Variants in ABI3BP observed in about 807,000 individuals in gnomAD.
ABI3BP encodes target of Nesh-SH3.
In ABI3BP, 216 loss-of-function variants were observed where a neutral mutation model predicts 268.6. The observed-to-expected ratio is 0.80, with a 90% CI of 0.72 to 0.90. The LOEUF (loss-of-function observed/expected upper bound fraction) is 0.90. Among genes scored for constraint, ABI3BP ranks in the 40% least tolerant of loss-of-function variants. The pLI is 0.00. For synonymous variants in ABI3BP, 730 were observed against 730.0 expected (o/e 1.00, Z 0.00); for missense variants, 2,090 against 2,182.4 (o/e 0.96, Z 0.84).
At chr3:100,775,153 A>C in intron 60 of ABI3BP, 54 bp downstream of exon 60, 1 of 1,580,386 alleles carries the variant, frequency 6.3e-7, no homozygotes, top group Middle Eastern at 1.7e-4. Flanking sequence ...CAACATTTAA[A>C]ATCTTTTGCA....
chr3:100,782,405 CAG>C (rs1422818791), intron 57 of ABI3BP, among the ~76,000 whole-genome samples: 6 of 151,998 alleles, frequency 3.9e-5, no homozygotes, highest in Non-Finnish European at 8.8e-5. Context: ...TAGGTGGAGA[CAG>C]AGGCATCATA....
In ABI3BP at chr3:100,837,312, T is replaced by C. The variant is rs1400560682; in HGVS notation, c.2084-141A>G. Reference sequence around the variant, plus strand: ...TAAATTGCCTTCTTGATAGGCTTATTTATTATGTGAGATGCTTCTTAGCAA... The same window carrying C: ...TAAATTGCCTTCTTGATAGGCTTATCTATTATGTGAGATGCTTCTTAGCAA... On this transcript the variant is annotated intron_variant, in intron 26 of 67. Transcript: ENST00000471714. 3 of 559,704 alleles carry C rather than the reference T, an allele frequency of 5.4e-6. No individual in the cohort carries two copies. In the African/African-American group the frequency reaches 5.9e-5, roughly 11 times the overall value. The allele number at this position is 559,704 out of a possible 1,614,324, so 34.7% of individuals were successfully genotyped here.
At chr3:100,911,112 C>G in intron 2 of ABI3BP, 1 of 326,094 alleles carries the variant, frequency 3.1e-6, no homozygotes, top group South Asian at 3.3e-5. Flanking sequence ...TCTCTAACTG[C>G]TGTGATTTCT....
chr3:100,771,491 C>T (rs1293294347), intron 61 of ABI3BP, among the ~76,000 whole-genome samples: 1 of 151,570 alleles, frequency 6.6e-6, no homozygotes, highest in Non-Finnish European at 1.5e-5. Context: ...ATGTAGATCT[C>T]ACATAGATGT....
chr3:100,874,745 C>G, intron 9 of ABI3BP, 96 bp downstream of exon 9: 1 of 707,388 alleles, frequency 1.4e-6, no homozygotes, highest in Non-Finnish European at 2.3e-6. Flanking sequence ...TTGAGATCCT[C>G]AAACAGCTCA....
At chr3:100,841,943 A>T in intron 21 of ABI3BP, 55 bp downstream of exon 21, 1 of 1,328,902 alleles carries the variant, frequency 7.5e-7, no homozygotes, top group Non-Finnish European at 1.0e-6. Context: ...ACAAAGTTGA[A>T]CATGGAGAGT....
At chr3:100,834,570 G>T in intron 29 of ABI3BP, 114 bp downstream of exon 29, 1 of 903,204 alleles carries the variant, frequency 1.1e-6, no homozygotes, top group South Asian at 1.6e-5. Context: ...TGCTTTCCAT[G>T]ACTTGGGCCT....
At chr3:100,821,452 C>T (rs1276762076) in intron 38 of ABI3BP, among the ~76,000 whole-genome samples, 1 of 152,112 alleles carries the variant, frequency 6.6e-6, no homozygotes, top group Non-Finnish European at 1.5e-5. Context: ...AAAGAAAGAA[C>T]ATGCCTTCAT....
At chr3:100,852,191 G>A (rs1206849269) in intron 14 of ABI3BP, among the ~76,000 whole-genome samples, 1 of 152,082 alleles carries the variant, frequency 6.6e-6, no homozygotes, top group Non-Finnish European at 1.5e-5. Flanking sequence ...AGGGTGATGA[G>A]AACATAGTGC....
chr3:100,774,146 T>G (rs2096634955), intron 61 of ABI3BP, among the ~76,000 whole-genome samples: 1 of 152,250 alleles, frequency 6.6e-6, no homozygotes, highest in African/African-American at 2.4e-5. Flanking sequence ...CTATTCTTTA[T>G]GTCCACAGGA....
At chr3:100,909,318 C>T (rs1249146068) in intron 2 of ABI3BP, among the ~76,000 whole-genome samples, 1 of 151,764 alleles carries the variant, frequency 6.6e-6, no homozygotes, top group African/African-American at 2.4e-5. Flanking sequence ...AGAAGAAAAC[C>T]GAGGCAATAC....
intron 17 of ABI3BP, 40 bp from the exon 18 acceptor site, chr3:100,848,915 T>A: frequency 6.4e-7 from 1 of 1,566,620 alleles, no homozygotes; most frequent in Non-Finnish European, 8.8e-7. Context: ...AATGATATTT[T>A]TCAGGGGTCA....
At chr3:100,851,792 T>C in intron 15 of ABI3BP, 83 bp downstream of exon 15, 1 of 1,209,842 alleles carries the variant, frequency 8.3e-7, no homozygotes, top group Admixed American at 2.7e-5. Flanking sequence ...GATACAATTT[T>C]CCACTCTGCA....
At chr3:100,822,013 C>A (rs1281173155) in intron 38 of ABI3BP, among the ~76,000 whole-genome samples, 1 of 152,074 alleles carries the variant, frequency 6.6e-6, no homozygotes, top group Non-Finnish European at 1.5e-5. Flanking sequence ...CATCCCTGTG[C>A]CTTGGTGATT....
chr3:100,978,707 A>G (rs561029391), intron 1 of ABI3BP, among the ~76,000 whole-genome samples: 1 of 152,338 alleles, frequency 6.6e-6, no homozygotes, highest in African/African-American at 2.4e-5. Context: ...CAGAAAGCAC[A>G]AATTCTCCAA....
intron 2 of ABI3BP, among the ~76,000 whole-genome samples, chr3:100,912,542 A>G (rs2057114800): frequency 6.6e-6 from 1 of 152,156 alleles, no homozygotes; most frequent in Non-Finnish European, 1.5e-5. Flanking sequence ...AAAATCACCC[A>G]CAGAATTAAA....
At chr3:100,864,967 G>A in intron 10 of ABI3BP, 60 bp from the exon 11 acceptor site, 1 of 1,295,864 alleles carries the variant, frequency 7.7e-7, no homozygotes, top group Non-Finnish European at 1.1e-6. Context: ...CAAAGACCAG[G>A]AGACACATCC....
At chr3:100,850,760 TA>T in intron 15 of ABI3BP, 26 bp from the exon 16 acceptor site, 1 of 1,563,382 alleles carries the variant, frequency 6.4e-7, no homozygotes, top group East Asian at 2.2e-5. Flanking sequence ...TCAACATTTG[TA>T]AAAGCAGTAG....
chr3:100,862,033 A>G (rs1191586768), intron 14 of ABI3BP, among the ~76,000 whole-genome samples: 1 of 152,238 alleles, frequency 6.6e-6, no homozygotes, highest in Non-Finnish European at 1.5e-5. Context: ...CTGTCACTAA[A>G]GAGATCTCTA....
Sources: allele counts gnomAD v4.1 joint callset (sites outside exome capture counted in the v4.1 genomes callset), GRCh38; gene constraint gnomAD v4.1.1; transcripts MANE v1.5; gene names NCBI Gene and HGNC (gene_info 2026-07-23, HGNC 2026-07-21).